The following ANO5 variants were observed in gnomAD, a reference collection of about 807,000 sequenced individuals.
ANO5 encodes the protein anoctamin 5, also known as anoctamin-5.
A neutral mutation model predicts 121.0 loss-of-function variants in ANO5; 109 were observed. The ratio of observed to expected loss-of-function variants is 0.90; its 90% CI spans 0.77 to 1.06. The LOEUF is 1.06. ANO5 is among the 50% of genes least tolerant of loss of function. The pLI is 0.00. For synonymous variants in ANO5, 406 were observed against 359.9 expected, an observed-to-expected ratio of 1.13 and a Z score of -1.45; for missense variants, 1,064 against 1,078.5, an observed-to-expected ratio of 0.99 and a Z score of 0.19.
chr11:22,203,024 GT>G, intron 1 of ANO5, among the ~76,000 whole-genome samples: 1 of 152,248 alleles, frequency 6.6e-6, no homozygotes, highest in South Asian at 2.1e-4. Flanking sequence ...TCAATATCAA[GT>G]TTCCATATAA....
At chr11:22,233,362 T>C (rs953013514) in intron 7 of ANO5, among the ~76,000 whole-genome samples, 1 of 151,898 alleles carries the variant, frequency 6.6e-6, no homozygotes, top group Admixed American at 6.6e-5. Context: ...CTAAAAGAAA[T>C]AGGAGGGGAC....
At chr11:22,273,383 T>C (rs1157047738) in intron 19 of ANO5, among the ~76,000 whole-genome samples, 2 of 152,276 alleles carry the variant, frequency 1.3e-5, no homozygotes, top group Middle Eastern at 3.4e-3. Context: ...TCCAAAAGCA[T>C]AACTTTTACA....
rs372024390 is a variant in ANO5, at chr11:22,221,222, A to G, written c.294+12A>G. The G allele has an allele frequency of 1.2e-5, 19 of 1,560,062 alleles. No individual in the cohort carries two copies. Among genetic ancestry groups the G allele is most frequent in the Non-Finnish European group, 1.6e-5 (18 of 1,132,122 alleles). On this transcript the variant is annotated intron_variant, in intron 5 of 21. Transcript: ENST00000324559. Reference sequence around the variant, plus strand: ...CAGAGTTAAAGGCGGTAAGTGCATTATAACAGAAGTGGGAATAATAAAAAG... The same window carrying G: ...CAGAGTTAAAGGCGGTAAGTGCATTGTAACAGAAGTGGGAATAATAAAAAG...
At position 22,259,743 on chromosome 11, in the gene ANO5, T is replaced by G. The variant is rs1590300702; in HGVS notation, c.1630+2T>G. 6.2e-7 allele frequency: 1 copy of G among 1,603,404 alleles called. No individual in the cohort carries two copies. Among genetic ancestry groups the G allele is most frequent in the Non-Finnish European group, 8.5e-7 (1 of 1,170,620 alleles). ...TATCTGCCTGGATCACAAAAATGGGTAAGCTGGCCAAATCATTTGTGTGAT... is the reference window on the plus strand; with the variant it reads ...TATCTGCCTGGATCACAAAAATGGGGAAGCTGGCCAAATCATTTGTGTGAT... On this transcript the variant is annotated splice_donor_variant, in intron 15 of 21. Coordinates refer to ENST00000324559, the MANE Select transcript of ANO5 (RefSeq NM_213599.3). LOFTEE classifies it high-confidence loss of function.
chr11:22,250,177 C>G, intron 9 of ANO5, 60 bp from the exon 10 acceptor site: 3 of 1,462,444 alleles, frequency 2.1e-6, no homozygotes. Context: ...AATACAAAAT[C>G]AAGGCTCCAG....
At chr11:22,193,036 A>G, upstream of ANO5, 1 of 1,018,392 alleles carries the variant, frequency 9.8e-7, no homozygotes, top group Non-Finnish European at 1.2e-6. Flanking sequence ...AGAGGCGTGG[A>G]AACAGGGACG....
rs189992796 is a variant in ANO5 at position 22,251,057 on chromosome 11, T to C, written c.1180+46T>C. ...AGAAACAGCTTTCTTCCTATTAATG[T>C]GTTGTTTTGCCTCCATATAACATAT... is the stretch of plus-strand genomic sequence containing the variant. On this transcript the variant is annotated intron_variant, in intron 12 of 21. Coordinates refer to ENST00000324559, the MANE Select transcript of ANO5 (RefSeq NM_213599.3). 126 of 1,541,626 alleles carry C rather than the reference T, an allele frequency of 8.2e-5. No homozygotes were observed. The African/African-American group carries it at 1.6e-3, about 19-fold the overall frequency.
chr11:22,278,778 T>C (rs1854965117), intron 21 of ANO5, among the ~76,000 whole-genome samples: 1 of 151,776 alleles, frequency 6.6e-6, no homozygotes, highest in South Asian at 2.1e-4. Context: ...AAGCCCTTTA[T>C]AGCTGTCTAT....
intron 19 of ANO5, among the ~76,000 whole-genome samples, chr11:22,274,360 G>A (rs1854750728): frequency 6.6e-6 from 1 of 152,072 alleles, no homozygotes; most frequent in Non-Finnish European, 1.5e-5. Flanking sequence ...TAGCCACTTT[G>A]TAGCTATGAA....
chr11:22,202,878 C>A (rs1164940203), intron 1 of ANO5, among the ~76,000 whole-genome samples: 7 of 152,116 alleles, frequency 4.6e-5, no homozygotes, highest in Admixed American at 4.6e-4. Flanking sequence ...CACCTTAAAT[C>A]CAGTATAACT....
At position 22,276,572 on chromosome 11, in the gene ANO5, G is replaced by A. The variant is rs190460848; in HGVS notation, c.2520+373G>A. Among the ~76,000 whole-genome samples the A allele has an allele frequency of 3.0e-4, 46 of 151,784 alleles. 3 individuals carry two copies. The East Asian group carries it at 8.9e-3, about 29-fold the overall frequency. ...AGACCTTATCGCTCACCTTTGAAAA[G>A]GAATCTGAGATTCAGCAAAAATAAG... On this transcript the variant is annotated intron_variant, in intron 21 of 21. Transcript: ENST00000324559.
At chr11:22,201,629 G>C (rs1851966927) in intron 1 of ANO5, among the ~76,000 whole-genome samples, 2 of 152,148 alleles carry the variant, frequency 1.3e-5, no homozygotes. Flanking sequence ...GGAAGTCCAA[G>C]GTTGGGGACC....
intron 21 of ANO5, among the ~76,000 whole-genome samples, chr11:22,278,928 G>C (rs2133808754): frequency 6.6e-6 from 1 of 150,658 alleles, no homozygotes; most frequent in East Asian, 1.9e-4. Context: ...TGTGTCTGGT[G>C]CCCCTGGATT....
intron 15 of ANO5, among the ~76,000 whole-genome samples, chr11:22,260,996 C>A (rs1272316816): frequency 6.6e-6 from 1 of 152,084 alleles, no homozygotes; most frequent in African/African-American, 2.4e-5. Flanking sequence ...TTAATATAGC[C>A]ATTGAATTAA....
chr11:22,195,388 G>C (rs1280310244), intron 1 of ANO5, among the ~76,000 whole-genome samples: 1 of 151,672 alleles, frequency 6.6e-6, no homozygotes, highest in Non-Finnish European at 1.5e-5. Context: ...ATCATTCTAT[G>C]TTCTTAATGG....
At chr11:22,205,537 C>CAAAATAAAATAAAATAAAATAAAAT (rs66490106) in intron 2 of ANO5, among the ~76,000 whole-genome samples, 3 of 148,116 alleles carry the variant, frequency 2.0e-5, no homozygotes, top group Admixed American at 6.8e-5. Flanking sequence ...CAGGCTGTCT[C>CAAAATAAAATAAAATAAAATAAAAT]AAAATAAAAT....
In ANO5 at chr11:22,205,503, C is replaced by G. The variant is rs376663435; in HGVS notation, c.87+1653C>G. Among the ~76,000 whole-genome samples the G allele has an allele frequency of 3.3e-5, 5 of 151,394 alleles. No homozygotes were observed. In the East Asian group the frequency reaches 9.7e-4, roughly 30 times the overall value. On this transcript the variant is annotated intron_variant, in intron 2 of 21. Coordinates refer to ENST00000324559, the MANE Select transcript of ANO5 (RefSeq NM_213599.3). The stretch of plus-strand genomic sequence containing the variant: ...AGAATAAGAATTATATGAAGAATTT[C>G]TTAAAACTGTAGACTCTTGGGCCCA...
intron 5 of ANO5, among the ~76,000 whole-genome samples, chr11:22,223,322 C>A (rs1301785644): frequency 6.6e-6 from 1 of 152,022 alleles, no homozygotes; most frequent in Admixed American, 6.6e-5. Context: ...CAGGAGTAAG[C>A]TTGTGAGAAT....
intron 12 of ANO5, among the ~76,000 whole-genome samples, chr11:22,252,051 A>T (rs1564937231): frequency 7.2e-6 from 1 of 138,690 alleles, no homozygotes; most frequent in Non-Finnish European, 1.5e-5. Context: ...AAAAAAAAAA[A>T]AAAAAAAACT....
Sources: allele counts gnomAD v4.1 joint callset (sites outside exome capture counted in the v4.1 genomes callset), GRCh38; gene constraint gnomAD v4.1.1; transcripts MANE v1.5; gene names NCBI Gene and HGNC (gene_info 2026-07-23, HGNC 2026-07-21).